Variants in SPON1 observed in about 807,000 individuals in gnomAD.
SPON1 encodes spondin 1.
SPON1 carries 52 observed loss-of-function variants against 111.7 expected under a neutral mutation model. The ratio of observed to expected loss-of-function variants is 0.47; its 90% CI spans 0.37 to 0.59. The LOEUF (loss-of-function observed/expected upper bound fraction) is 0.59. Among genes scored for constraint, SPON1 ranks in the 20% least tolerant of loss-of-function variants. SPON1 has a pLI of 0.00. For missense variants in SPON1, 957 were observed against 1,068.5 expected (o/e 0.90, Z 1.46); for synonymous variants, 410 against 395.8 (o/e 1.04, Z -0.43).
intron 6 of SPON1, among the ~76,000 whole-genome samples, chr11:14,160,019 A>G (rs1177270606): frequency 6.6e-6 from 1 of 152,028 alleles, no homozygotes; most frequent in Non-Finnish European, 1.5e-5. Flanking sequence ...TTAATTGTAC[A>G]TTTTTAAATA....
intron 2 of SPON1, among the ~76,000 whole-genome samples, chr11:13,997,740 G>C (rs782348848): frequency 6.6e-6 from 1 of 152,176 alleles, no homozygotes; most frequent in Non-Finnish European, 1.5e-5. Context: ...TGGGATCGCT[G>C]TAAAATAAAA....
At chr11:14,188,647 A>T (rs1165679665) in intron 6 of SPON1, among the ~76,000 whole-genome samples, 2 of 152,138 alleles carry the variant, frequency 1.3e-5, no homozygotes, top group African/African-American at 4.8e-5. Flanking sequence ...ATATTCTTGA[A>T]ACTTTTGGCA....
rs534880385 is a variant in SPON1, at chr11:14,223,422, C to T, written c.826-19910C>T. Among the ~76,000 whole-genome samples the T allele has an allele frequency of 7.9e-5, 12 of 152,246 alleles. No individual in the cohort carries two copies. In the South Asian group the frequency reaches 2.5e-3, roughly 32 times the overall value. On this transcript the variant is annotated intron_variant, in intron 6 of 15. Transcript: ENST00000576479. ...CAAGATTGGCAAAATTGGGGTAACGCTTTAACACCAAAATACGATGCAATA... is the reference window on the plus strand; with the variant it reads ...CAAGATTGGCAAAATTGGGGTAACGTTTTAACACCAAAATACGATGCAATA...
At chr11:14,081,771 T>C (rs1848964160) in intron 5 of SPON1, among the ~76,000 whole-genome samples, 1 of 152,070 alleles carries the variant, frequency 6.6e-6, no homozygotes, top group Non-Finnish European at 1.5e-5. Context: ...GGGCACATGA[T>C]TGGACTTAAG....
chr11:14,089,901 G>C (rs537573183), intron 5 of SPON1, among the ~76,000 whole-genome samples: 1 of 152,314 alleles, frequency 6.6e-6, no homozygotes, highest in Non-Finnish European at 1.5e-5. Flanking sequence ...TTGCCACGCT[G>C]TGTTGAGTTC....
At chr11:14,149,932 C>T (rs1847767609) in intron 6 of SPON1, among the ~76,000 whole-genome samples, 1 of 145,566 alleles carries the variant, frequency 6.9e-6, no homozygotes, top group Non-Finnish European at 1.5e-5. Context: ...TGGGAAATCA[C>T]TTGTCCTTAA....
At chr11:14,217,531 G>C (rs536058805) in intron 6 of SPON1, among the ~76,000 whole-genome samples, 18 of 152,148 alleles carry the variant, frequency 1.2e-4, no homozygotes, top group African/African-American at 4.3e-4. Flanking sequence ...AATGGAATAA[G>C]GGTATTATGA....
intron 6 of SPON1, among the ~76,000 whole-genome samples, chr11:14,216,255 G>A (rs2133904242): frequency 6.6e-6 from 1 of 152,294 alleles, no homozygotes; most frequent in Non-Finnish European, 1.5e-5. Flanking sequence ...CATCTGTGGT[G>A]GTTTATGAAT....
intron 7 of SPON1, among the ~76,000 whole-genome samples, chr11:14,248,538 C>T (rs1053968097): frequency 4.6e-5 from 7 of 152,114 alleles, no homozygotes; most frequent in Non-Finnish European, 1.0e-4. Context: ...CTGCACTCGG[C>T]GCTACTGGCT....
intron 1 of SPON1, among the ~76,000 whole-genome samples, chr11:13,976,899 G>A (rs1420024405): frequency 6.6e-6 from 1 of 152,132 alleles, no homozygotes; most frequent in Non-Finnish European, 1.5e-5. Flanking sequence ...CTAGCACCAT[G>A]AATTACTTTG....
intron 3 of SPON1, among the ~76,000 whole-genome samples, chr11:14,056,444 C>T (rs180690165): frequency 6.6e-6 from 1 of 152,026 alleles, no homozygotes; most frequent in East Asian, 1.9e-4. Context: ...GTTTTTCAAG[C>T]TTCAAAAACT....
intron 6 of SPON1, among the ~76,000 whole-genome samples, chr11:14,205,050 G>T (rs782133737): frequency 6.6e-6 from 1 of 152,274 alleles, no homozygotes; most frequent in Non-Finnish European, 1.5e-5. Flanking sequence ...AGATAATCCA[G>T]TCATGTCCAG....
chr11:14,045,186 C>A (rs1444609055), intron 3 of SPON1, among the ~76,000 whole-genome samples: 1 of 152,196 alleles, frequency 6.6e-6, no homozygotes, highest in Non-Finnish European at 1.5e-5. Flanking sequence ...CTCAATGGCA[C>A]TTGGTATTAT....
chr11:14,187,883 G>A (rs544011438), intron 6 of SPON1, among the ~76,000 whole-genome samples: 2 of 152,114 alleles, frequency 1.3e-5, no homozygotes, highest in Non-Finnish European at 2.9e-5. Context: ...TTGGGTTCAA[G>A]CAATTCTCCT....
intron 6 of SPON1, among the ~76,000 whole-genome samples, chr11:14,170,205 C>A (rs1273387644): frequency 1.3e-5 from 2 of 152,070 alleles, no homozygotes; most frequent in African/African-American, 2.4e-5. Context: ...TGAAGAGGTC[C>A]TTCACATCCC....
chr11:14,038,449 A>G (rs1183789707), intron 2 of SPON1, among the ~76,000 whole-genome samples: 1 of 152,206 alleles, frequency 6.6e-6, no homozygotes, highest in Non-Finnish European at 1.5e-5. Context: ...AGCCTGGGCA[A>G]TAGAATGAGA....
chr11:14,220,775 T>A (rs1180291305), intron 6 of SPON1, among the ~76,000 whole-genome samples: 1 of 152,210 alleles, frequency 6.6e-6, no homozygotes, highest in African/African-American at 2.4e-5. Flanking sequence ...TTAGTTTAAT[T>A]GAATAATATC....
rs1554941735 is a variant in SPON1 at position 14,259,941 on chromosome 11, G to C, written c.1831+240G>C. Among the ~76,000 whole-genome samples the C allele has an allele frequency of 2.0e-5, 3 of 152,188 alleles. No homozygotes were observed. The highest frequency in any genetic ancestry group is 1.5e-5 in the Non-Finnish European group (1 of 68,020). On this transcript the variant is annotated intron_variant, in intron 13 of 15. Transcript: ENST00000576479. This position sits in a 1 kb window ranked among gnomAD's most constrained non-coding sequence, Gnocchi z 5.0. ...AGCAATGCTGGGGTGGCAAACTGGT[G>C]GCCTCTGGATAGAGAATTCACCTGC...
rs1847944742 is a variant in SPON1, at chr11:14,161,049, A to ATATATATTTATATATATC, written c.825+25486_825+25503dup. ...TATATTTATATATATCTATATATTT[A>ATATATATTTATATATATC]TATATATTTATATATATCTATAATT... On this transcript the variant is annotated intron_variant, in intron 6 of 15. Transcript: ENST00000576479. Among the ~76,000 whole-genome samples the ATATATATTTATATATATC allele has an allele frequency of 4.6e-5, 2 of 43,818 alleles. 1 individual carries two copies. Among genetic ancestry groups the ATATATATTTATATATATC allele is most frequent in the Non-Finnish European group, 8.0e-5 (2 of 24,918 alleles). The allele number at this position is 43,818 out of a possible 152,430, so 28.7% of individuals were successfully genotyped here. A position where few individuals can be genotyped will look rare whatever the true frequency, so the allele number is the denominator to read the frequency against.
Sources: gnomAD v4.1 joint callset for allele counts (sites outside exome capture counted in the v4.1 genomes callset) on GRCh38, gnomAD v4.1.1 for gene constraint, Gnocchi (gnomAD v3.1) non-coding constraint, MANE v1.5 for transcripts, NCBI Gene and HGNC (gene_info 2026-07-23, HGNC 2026-07-21) for gene names.